Variants in ARHGEF4 observed in about 807,000 individuals in gnomAD.
ARHGEF4 encodes APC-stimulated guanine nucleotide exchange factor 1.
Under a neutral mutation model 162.0 loss-of-function variants are expected in ARHGEF4, and 119 were observed. The observed-to-expected ratio is 0.73, with a 90% CI of 0.63 to 0.86. ARHGEF4 has a LOEUF of 0.86. Ranked by LOEUF, ARHGEF4 falls within the 40% of genes least tolerant of loss-of-function variation. The probability of loss-of-function intolerance (pLI) is 0.00; values close to 1 mark genes in which losing one functional copy is unlikely to be tolerated. For synonymous variants in ARHGEF4, 1,014 were observed against 979.9 expected (o/e 1.03, Z -0.65); for missense variants, 2,488 against 2,456.0 (o/e 1.01, Z -0.28).
chr2:130,884,800 G>C (rs1679407982), intron 1 of ARHGEF4, among the ~76,000 whole-genome samples: 1 of 152,034 alleles, frequency 6.6e-6, no homozygotes, highest in African/African-American at 2.4e-5. Context: ...GGTGGCCCTT[G>C]AGGCCGGACC....
At chr2:130,906,741 G>A (rs920149229) in intron 1 of ARHGEF4, among the ~76,000 whole-genome samples, 2 of 152,200 alleles carry the variant, frequency 1.3e-5, no homozygotes, top group African/African-American at 2.4e-5. Flanking sequence ...CAGTCGACAC[G>A]TCATTCTCTA....
chr2:130,987,022 C>T (rs1031399450), intron 4 of ARHGEF4, among the ~76,000 whole-genome samples: 2 of 152,224 alleles, frequency 1.3e-5, no homozygotes, highest in African/African-American at 4.8e-5. Context: ...TGCATCCCCC[C>T]GTGGTCCTGC....
chr2:130,996,499 CTCTG>C (rs1054033510), intron 4 of ARHGEF4, among the ~76,000 whole-genome samples: 1 of 152,172 alleles, frequency 6.6e-6, no homozygotes, highest in African/African-American at 2.4e-5. Flanking sequence ...CTTTGATTCT[CTCTG>C]TAGTCCATGA....
intron 4 of ARHGEF4, 80 bp downstream of exon 4, chr2:130,946,715 G>T (rs1438434798): frequency 1.9e-6 from 3 of 1,582,586 alleles, no homozygotes; most frequent in Admixed American, 3.5e-5. Context: ...GTTGGCAGCT[G>T]TATCCACTTG....
At chr2:130,961,659 C>T (rs1684629381) in intron 4 of ARHGEF4, among the ~76,000 whole-genome samples, 1 of 152,170 alleles carries the variant, frequency 6.6e-6, no homozygotes, top group Admixed American at 6.5e-5. Context: ...CAGTGGGTGA[C>T]ACTGACGCTG....
chr2:130,885,539 C>A (rs1679461095), intron 1 of ARHGEF4, among the ~76,000 whole-genome samples: 1 of 149,828 alleles, frequency 6.7e-6, no homozygotes, highest in Non-Finnish European at 1.5e-5. Flanking sequence ...CATATTCAAA[C>A]CATAGCACTC....
chr2:130,915,165 G>T lies in ARHGEF4; in HGVS notation c.1219G>T (p.Gly407Cys). 1.3e-6 allele frequency: 2 copies of T among 1,550,610 alleles called. No individual in the cohort carries two copies. Among genetic ancestry groups the T allele is most frequent in the Non-Finnish European group, 1.7e-6 (2 of 1,147,004 alleles). Reference sequence around the variant, plus strand: ...CCATCTGCAGGGTCCCTGCAAGCCTGGTGGGTTTCGCTTGCAAAGGGCCTC... The same window carrying T: ...CCATCTGCAGGGTCCCTGCAAGCCTTGTGGGTTTCGCTTGCAAAGGGCCTC... ...APHLQGPCKP[G>C]GFRLQRASQD... The change falls in exon 2 of 14, where the codon GGT becomes TGT. Residue 407 changes from glycine (G) to cysteine (C), a missense_variant. This residue lies in a region of ARHGEF4 where 1,642 missense variants were observed against 1,481.5 expected (regional missense o/e 1.11). Transcript: ENST00000409359.
intron 5 of ARHGEF4, among the ~76,000 whole-genome samples, chr2:131,029,493 A>T (rs1689695326): frequency 6.6e-6 from 1 of 152,068 alleles, no homozygotes. Context: ...TTGGGATGGA[A>T]GGTGTTCTGA....
At chr2:131,019,337 G>A (rs749879322) in intron 4 of ARHGEF4, among the ~76,000 whole-genome samples, 9 of 152,144 alleles carry the variant, frequency 5.9e-5, no homozygotes, top group Admixed American at 5.2e-4. Context: ...GCTTGAACCC[G>A]GGAGGCGGAG....
intron 4 of ARHGEF4, among the ~76,000 whole-genome samples, chr2:131,007,875 G>A (rs928883018): frequency 3.2e-5 from 4 of 125,720 alleles, no homozygotes; most frequent in Non-Finnish European, 4.7e-5. Context: ...GCAATGGCAC[G>A]ATCTCAGCTC....
chr2:130,885,915 G>C (rs188612182), intron 1 of ARHGEF4, among the ~76,000 whole-genome samples: 1 of 152,016 alleles, frequency 6.6e-6, no homozygotes, highest in East Asian at 1.9e-4. Flanking sequence ...AACTTCATGA[G>C]ACATGTAGAG....
At position 130,916,548 on chromosome 2, in the gene ARHGEF4, ACTGCAGGGC is replaced by A. The variant is rs753123700; in HGVS notation, c.2604_2612del (p.Pro871_Gly873del). ...TGTCCCGCAGGCTGCAGGCGACAGGACTGCAGGGCCGGCAGGAGCGGGGCACACGGGGAC... is the reference window on the plus strand; with the variant it reads ...TGTCCCGCAGGCTGCAGGCGACAGGACGGCAGGAGCGGGGCACACGGGGAC... On this transcript the variant is annotated inframe_deletion, in exon 2 of 14. Transcript: ENST00000409359. 94 of 1,550,202 alleles carry A rather than the reference ACTGCAGGGC, an allele frequency of 6.1e-5. 1 individual carries two copies. Among genetic ancestry groups the A allele is most frequent in the Middle Eastern group, 5.1e-4 (3 of 5,940 alleles).
At position 130,986,185 on chromosome 2, in the gene ARHGEF4, ATG is replaced by A. The variant is rs1686486431; in HGVS notation, c.3985+39557_3985+39558del. On this transcript the variant is annotated intron_variant, in intron 4 of 13. Coordinates refer to ENST00000409359, the MANE Select transcript of ARHGEF4 (RefSeq NM_001367493.1). Reference sequence around the variant, plus strand: ...CATGTGTATGTTGTGTTGCACGTGCATGTGTGTGCATAGGGTGTGTTGCATGT... The same window carrying A: ...CATGTGTATGTTGTGTTGCACGTGCATGTGTGCATAGGGTGTGTTGCATGT... Among the ~76,000 whole-genome samples, 6 of 152,150 alleles carry A rather than the reference ATG, an allele frequency of 3.9e-5. No homozygotes were observed. The South Asian group carries it at 1.0e-3, about 26-fold the overall frequency.
At chr2:130,879,021 C>A (rs775802888) in intron 1 of ARHGEF4, among the ~76,000 whole-genome samples, 6 of 152,204 alleles carry the variant, frequency 3.9e-5, no homozygotes, top group African/African-American at 9.6e-5. Flanking sequence ...GGCTACGGCT[C>A]AGGCAGAGGC....
chr2:130,941,534 T>C (rs1026339916), intron 3 of ARHGEF4, among the ~76,000 whole-genome samples: 8 of 152,152 alleles, frequency 5.3e-5, no homozygotes, highest in Admixed American at 5.2e-4. Flanking sequence ...CTGAAAAATT[T>C]AACTATTAAT....
Position 130,996,089 on chromosome 2 carries a change from C to T in ARHGEF4, c.3986-31856C>T, listed in dbSNP as rs1161495109. 2.6e-5 allele frequency among the ~76,000 whole-genome samples: 4 copies of T among 152,064 alleles called. No individual in the cohort carries two copies. The East Asian group carries it at 7.7e-4, about 29-fold the overall frequency. On this transcript the variant is annotated intron_variant, in intron 4 of 13. Coordinates refer to ENST00000409359, the MANE Select transcript of ARHGEF4 (RefSeq NM_001367493.1). ...ATTTTTAGTAGAGACGGGGTTTCAC[C>T]ATGTTGGTTAGGCTGGTCTCGAACC...
At chr2:130,935,175 T>C (rs897627953) in intron 3 of ARHGEF4, among the ~76,000 whole-genome samples, 9 of 141,940 alleles carry the variant, frequency 6.3e-5, no homozygotes, top group African/African-American at 2.0e-4. Context: ...CATTTATTTA[T>C]TTATTTAGAG....
chr2:130,997,517 A>AG (rs1443126711), intron 4 of ARHGEF4, among the ~76,000 whole-genome samples: 1 of 152,194 alleles, frequency 6.6e-6, no homozygotes, highest in Non-Finnish European at 1.5e-5. Context: ...CATCACGTGC[A>AG]TTCTTCTCTG....
chr2:131,041,507 C>A, intron 9 of ARHGEF4, 45 bp downstream of exon 9: 1 of 1,562,020 alleles, frequency 6.4e-7, no homozygotes. Context: ...CCTCTGCATG[C>A]CTCCAGTCAG....
Sources: allele counts gnomAD v4.1 joint callset (sites outside exome capture counted in the v4.1 genomes callset), GRCh38; gene constraint gnomAD v4.1.1; regional missense constraint gnomAD v4.1.1; transcripts MANE v1.5; gene names NCBI Gene and HGNC (gene_info 2026-07-23, HGNC 2026-07-21).